The following C16orf46 variants were observed in gnomAD, a reference collection of about 807,000 sequenced individuals.
The protein encoded by C16orf46 is uncharacterized protein C16orf46.
In C16orf46, 7 loss-of-function variants were observed where a neutral mutation model predicts 5.5. The observed-to-expected ratio is 1.28, with a 90% CI of 0.73 to 2.40. The LOEUF is 2.40. Ranked by LOEUF, C16orf46 falls within the 30% of genes most tolerant of loss-of-function variation. The pLI is 0.00. For missense variants in C16orf46, 614 were observed against 476.0 expected (o/e 1.29, Z -2.70); for synonymous variants, 200 against 184.1 (o/e 1.09, Z -0.70).
chr16:81,060,740 G>A, downstream of C16orf46: 1 of 175,568 alleles, frequency 5.7e-6, no homozygotes, highest in East Asian at 1.5e-4. Flanking sequence ...CTTAGTTTGA[G>A]GCACGGGGGT....
chr16:81,062,438 C>T lies in C16orf46; in HGVS notation c.211-300G>A, dbSNP rs148413871. Among the ~76,000 whole-genome samples, 740 of 152,304 alleles carry T rather than the reference C, an allele frequency of 4.9e-3. 7 individuals are homozygous for T. The highest frequency in any genetic ancestry group is 0.017 in the African/African-American group (712 of 41,572). Reference sequence around the variant, plus strand: ...ATACTAGCAAGAGCATTTGTTAATACTAAAACACTAAGCAACAGTATTTGT... The same window carrying T: ...ATACTAGCAAGAGCATTTGTTAATATTAAAACACTAAGCAACAGTATTTGT... On this transcript the variant is annotated intron_variant, in intron 3 of 3. Transcript: ENST00000299578.
downstream of C16orf46, chr16:81,060,977 C>CA: frequency 7.3e-7 from 1 of 1,374,330 alleles, no homozygotes; most frequent in Non-Finnish European, 9.4e-7. Context: ...CCCAACAATC[C>CA]ACTGAGGTTC....
At chr16:81,069,307 A>G (rs1314902985) in intron 1 of C16orf46, among the ~76,000 whole-genome samples, 2 of 152,190 alleles carry the variant, frequency 1.3e-5, no homozygotes, top group African/African-American at 4.8e-5. Context: ...TTAAAAAAAC[A>G]CAGGCTTCTT....
Position 81,061,765 on chromosome 16 carries a change from C to A in C16orf46, c.584G>T (p.Arg195Ile). ...CAGGGGGCCTGGGATGGACAGCCCT[C>A]TGTGGGCCCCTCCACTGGGATTCCC... is the stretch of plus-strand genomic sequence containing the variant. ...ASGNPSGGAH[R>I]GLSIPGPLTS... Residue 195 changes from arginine (R) to isoleucine (I), a missense_variant, in exon 4 of 4, where the codon AGA becomes ATA. Transcript: ENST00000299578. 6.2e-7 allele frequency: 1 copy of A among 1,613,846 alleles called. No homozygotes were observed. The highest frequency in any genetic ancestry group is 8.5e-7 in the Non-Finnish European group (1 of 1,179,910).
chr16:81,075,495 C>T (rs1227331811), intron 1 of C16orf46, among the ~76,000 whole-genome samples: 1 of 152,128 alleles, frequency 6.6e-6, no homozygotes, highest in Non-Finnish European at 1.5e-5. Flanking sequence ...AAGGCAGAGG[C>T]AGGAGAATCG....
rs2151748478 is a variant in C16orf46, at chr16:81,061,232, G to A, written c.1117C>T (p.Pro373Ser). 6.2e-7 allele frequency: 1 copy of A among 1,614,058 alleles called. No individual in the cohort carries two copies. The highest frequency in any genetic ancestry group is 8.5e-7 in the Non-Finnish European group (1 of 1,180,002). ...GTGAGAGACGGCAAGACAGGTCTTG[G>A]GAAAACTTTGGTCTCCAGCATTTGG... ...RPQMLETKVF[P>S]RPVLPSLTVS... is the part of the protein sequence containing the mutation. The change falls in exon 4 of 4, where the codon CCA (proline) becomes TCA (serine). Residue 373 changes from proline (P) to serine (S), a missense_variant. By Grantham distance (74) the Pro-to-Ser change is moderately conservative. Coordinates refer to ENST00000299578, the MANE Select transcript of C16orf46 (RefSeq NM_152337.3).
chr16:81,066,435 G>A (rs9937014), intron 1 of C16orf46, among the ~76,000 whole-genome samples, 154 bp from the exon 2 acceptor site: 10,142 of 152,102 alleles, frequency 0.067, 1,083 homozygotes, highest in African/African-American at 0.23. Flanking sequence ...TGCCTCCCGG[G>A]TTCAAGCAAT....
chr16:81,075,944 A>G (rs1054257530), intron 1 of C16orf46, among the ~76,000 whole-genome samples: 2 of 152,154 alleles, frequency 1.3e-5, no homozygotes, highest in Non-Finnish European at 2.9e-5. Flanking sequence ...CCTTGCCTCA[A>G]CTTCTCATTG....
At chr16:81,070,870 T>A (rs546840380) in intron 1 of C16orf46, among the ~76,000 whole-genome samples, 5 of 152,290 alleles carry the variant, frequency 3.3e-5, no homozygotes, top group African/African-American at 7.2e-5. Context: ...TAATAACTTA[T>A]AGTCATGTAT....
chr16:81,061,051 G>A lies in C16orf46; in HGVS notation c.*110C>T. 6.9e-7 allele frequency: 1 copy of A among 1,447,626 alleles called. No individual in the cohort carries two copies. The allele number at this position is 1,447,626 out of a possible 1,614,324, so 89.7% of individuals were successfully genotyped here. On this transcript the variant is annotated 3_prime_UTR_variant, in exon 4 of 4. Coordinates refer to ENST00000299578, the MANE Select transcript of C16orf46 (RefSeq NM_152337.3). ...AAAGAAGAGTAAAGACAGACTGACG[G>A]GGAGGAGAGAAAGAGAGAGTGGGGG...
rs143602829 is a variant in C16orf46, at chr16:81,065,509, C to T, written c.-39+684G>A. Among the ~76,000 whole-genome samples, 444 of 150,094 alleles carry T rather than the reference C, an allele frequency of 3.0e-3. 1 individual carries two copies. The highest frequency in any genetic ancestry group is 0.011 in the South Asian group (51 of 4,720). Reference sequence around the variant, plus strand: ...AAAAAAAAAAAGCAAAAGCATGATACCTTCCTACAGATAGGGGTTCCTCCT... The same window carrying T: ...AAAAAAAAAAAGCAAAAGCATGATATCTTCCTACAGATAGGGGTTCCTCCT... On this transcript the variant is annotated intron_variant, in intron 2 of 3. Transcript: ENST00000299578.
In C16orf46 at chr16:81,076,671, T is replaced by G. The variant is rs528795470; in HGVS notation, c.-128+465A>C. 2.6e-5 allele frequency: 4 copies of G among 152,922 alleles called. No homozygotes were observed. The East Asian group carries it at 5.8e-4, about 22-fold the overall frequency. The allele number at this position is 152,922 out of a possible 1,614,324, so 9.5% of individuals were successfully genotyped here. A position where few individuals can be genotyped will look rare whatever the true frequency, so the allele number is the denominator to read the frequency against. On this transcript the variant is annotated intron_variant, in intron 1 of 3. Coordinates refer to ENST00000299578, the MANE Select transcript of C16orf46 (RefSeq NM_152337.3). ...AGTCATCAAACACACGCGCTCCACCTGCCACCCCTAAAGCCCAGGCGCATC... is the reference window on the plus strand; with the variant it reads ...AGTCATCAAACACACGCGCTCCACCGGCCACCCCTAAAGCCCAGGCGCATC...
At chr16:81,071,135 G>A (rs1356180597) in intron 1 of C16orf46, among the ~76,000 whole-genome samples, 1 of 152,080 alleles carries the variant, frequency 6.6e-6, no homozygotes, top group South Asian at 2.1e-4. Context: ...TTCTGACCTC[G>A]TGAGACTCTG....
At chr16:81,062,675 G>A (rs2151750133) in intron 3 of C16orf46, among the ~76,000 whole-genome samples, 1 of 152,224 alleles carries the variant, frequency 6.6e-6, no homozygotes, top group South Asian at 2.1e-4. Flanking sequence ...ATGCAGAGGA[G>A]CCCTGCGTAC....
At chr16:81,053,957 T>C in exon 4 of C16orf46, 1 of 1,139,402 alleles carries the variant, frequency 8.8e-7, no homozygotes, top group South Asian at 1.3e-5. Context: ...AGCGTTTGAC[T>C]CTCTGCTTTC....
intron 3 of C16orf46, among the ~76,000 whole-genome samples, chr16:81,062,934 T>G (rs804889): frequency 0.68 from 100,123 of 147,258 alleles, 35,329 homozygotes; most frequent in South Asian, 0.81. Flanking sequence ...CTATTGTTGA[T>G]TCTATGAATT....
chr16:81,061,050 G>A lies in C16orf46; in HGVS notation c.*111C>T, dbSNP rs963892834. The A allele has an allele frequency of 4.4e-5, 64 of 1,443,618 alleles. No homozygotes were observed. Among genetic ancestry groups the A allele is most frequent in the East Asian group, 1.7e-4 (7 of 42,156 alleles). The allele number at this position is 1,443,618 out of a possible 1,614,324, so 89.4% of individuals were successfully genotyped here. A position where few individuals can be genotyped will look rare whatever the true frequency, so the allele number is the denominator to read the frequency against. On this transcript the variant is annotated 3_prime_UTR_variant, in exon 4 of 4. Coordinates refer to ENST00000299578, the MANE Select transcript of C16orf46 (RefSeq NM_152337.3). ...AAAAGAAGAGTAAAGACAGACTGAC[G>A]GGGAGGAGAGAAAGAGAGAGTGGGG...
chr16:81,065,871 A>C (rs1971639683), intron 2 of C16orf46, among the ~76,000 whole-genome samples: 4 of 151,060 alleles, frequency 2.6e-5, no homozygotes, highest in Admixed American at 1.3e-4. Context: ...ACAGAGTCTC[A>C]CTCTGTTGCC....
At chr16:81,062,807 A>T (rs910137763) in intron 3 of C16orf46, among the ~76,000 whole-genome samples, 2 of 152,070 alleles carry the variant, frequency 1.3e-5, no homozygotes, top group Non-Finnish European at 2.9e-5. Context: ...ACTTATACTG[A>T]TAAATTAGGT....
Sources: allele counts gnomAD v4.1 joint callset (sites outside exome capture counted in the v4.1 genomes callset), GRCh38; gene constraint gnomAD v4.1.1; transcripts MANE v1.5; gene names NCBI Gene and HGNC (gene_info 2026-07-23, HGNC 2026-07-21).